The following IL18RAP variants were observed in gnomAD, a reference collection of about 807,000 sequenced individuals.
The protein encoded by IL18RAP is interleukin 18 receptor accessory protein, also known as interleukin-18 receptor accessory protein.
In IL18RAP, 37 loss-of-function variants were observed where a neutral mutation model predicts 58.1. The ratio of observed to expected loss-of-function variants is 0.64; its 90% confidence interval spans 0.49 to 0.84. The LOEUF (loss-of-function observed/expected upper bound fraction) is 0.84. Ranked by LOEUF, IL18RAP falls within the 40% of genes least tolerant of loss-of-function variation. The pLI, the probability that IL18RAP is intolerant of heterozygous loss-of-function variation, is 0.00. For missense variants in IL18RAP, 667 were observed against 704.8 expected (o/e 0.95, Z 0.61); for synonymous variants, 268 against 257.5 (o/e 1.04, Z -0.39).
At chr2:102,429,172 T>C (rs2104313271) in intron 3 of IL18RAP, among the ~76,000 whole-genome samples, 1 of 152,084 alleles carries the variant, frequency 6.6e-6, no homozygotes, top group Middle Eastern at 3.4e-3. Context: ...GTACTGGCCT[T>C]TTCTGGCTTT....
rs780487193 is a variant in IL18RAP, at chr2:102,423,926, C to A, written c.186C>A (p.Leu62=). 1.9e-6 allele frequency: 3 copies of A among 1,613,886 alleles called. No homozygotes were observed. Among genetic ancestry groups the A allele is most frequent in the Non-Finnish European group, 2.5e-6 (3 of 1,179,974 alleles). ...QKSHFCHRNR[L]SPKQVPEHLP... ...CACATTTCTGCCACAGAAATCGACT[C>A]TCACCAAAACAAGTCCCTGAGCACC... Residue 62 remains leucine, a synonymous_variant, in exon 2 of 10, where the codon CTC becomes CTA. Coordinates refer to ENST00000687160, the MANE Select transcript of IL18RAP (RefSeq NM_001393487.1).
upstream of IL18RAP, chr2:102,419,532 G>A (rs1681443345): frequency 6.6e-6 from 1 of 152,242 alleles, no homozygotes; most frequent in South Asian, 2.1e-4. Flanking sequence ...AAGTTTTGTG[G>A]GTAAAGTTTA....
rs200096865 is a variant in IL18RAP at position 102,452,023 on chromosome 2, A to G, written c.1642A>G (p.Asn548Asp). 6.8e-6 allele frequency: 11 copies of G among 1,614,010 alleles called. No individual in the cohort carries two copies. Among genetic ancestry groups the G allele is most frequent in the Middle Eastern group, 1.6e-4 (1 of 6,084 alleles). The stretch of plus-strand genomic sequence containing the variant: ...GAGAGGCTTAAAATCAGTTCCTCCC[A>G]ATTCTAGGTTCTGGGCCAAAATGCG... ...TWRGLKSVPP[N>D]SRFWAKMRYH... The change falls in exon 10 of 10, where the codon AAT becomes GAT. Residue 548 changes from asparagine (N) to aspartate (D), a missense_variant. Coordinates refer to ENST00000687160, the MANE Select transcript of IL18RAP (RefSeq NM_001393487.1).
intron 3 of IL18RAP, among the ~76,000 whole-genome samples, chr2:102,428,868 A>G (rs1682146981): frequency 6.6e-6 from 1 of 151,958 alleles, no homozygotes; most frequent in East Asian, 1.9e-4. Flanking sequence ...GTATTGAGGT[A>G]CAGTCCCTCT....
At chr2:102,423,138 C>T (rs1384988068), upstream of IL18RAP, 1 of 846,340 alleles carries the variant, frequency 1.2e-6, no homozygotes, top group Non-Finnish European at 2.0e-6. Context: ...ACTTTGTTCA[C>T]TGGTTCTGAC....
rs767626133 is a variant in IL18RAP at position 102,423,827 on chromosome 2, A to G, written c.87A>G (p.Lys29=). The change falls in exon 2 of 10, where the codon AAA becomes AAG. Residue 29 remains lysine, a synonymous_variant. Transcript: ENST00000687160. ...GATTTTCAGGTTGTTCCACAAAAAA[A>G]CTCCTTTGGACATATTCTACAAGGA... is the stretch of plus-strand genomic sequence containing the variant. ...GFNISGCSTK[K]LLWTYSTRSE... 1.9e-6 allele frequency: 3 copies of G among 1,610,820 alleles called. No homozygotes were observed. The highest frequency in any genetic ancestry group is 2.2e-5 in the South Asian group (2 of 90,996).
intron 3 of IL18RAP, among the ~76,000 whole-genome samples, chr2:102,427,490 A>G (rs1214842334): frequency 7.9e-5 from 12 of 152,068 alleles, no homozygotes; most frequent in Non-Finnish European, 1.6e-4. Context: ...ATTTTTTCAT[A>G]TAGTTGTTGG....
chr2:102,430,904 G>T (rs1682303599), intron 3 of IL18RAP, among the ~76,000 whole-genome samples: 1 of 152,030 alleles, frequency 6.6e-6, no homozygotes, highest in South Asian at 2.1e-4. Flanking sequence ...ATTAATTACA[G>T]CTAGGATTGT....
At chr2:102,442,079 G>T (rs888126539) in intron 5 of IL18RAP, among the ~76,000 whole-genome samples, 4 of 152,058 alleles carry the variant, frequency 2.6e-5, no homozygotes, top group Non-Finnish European at 5.9e-5. Flanking sequence ...TTATGAATAT[G>T]ACATTTAATC....
chr2:102,424,272 A>C lies in IL18RAP; in HGVS notation c.437A>C (p.Glu146Ala), dbSNP rs141761747. ...DVACCVKMIL[E>A]VKPQTNASCE... ...GCCTGTTGTGTCAAGATGATTTTAGAAGTTAAGCCCCAGACAAATGCATCC... is the reference window on the plus strand; with the variant it reads ...GCCTGTTGTGTCAAGATGATTTTAGCAGTTAAGCCCCAGACAAATGCATCC... The change falls in exon 3 of 10, where the codon GAA becomes GCA. Residue 146 changes from glutamate (E) to alanine (A), a missense_variant. Coordinates refer to ENST00000687160, the MANE Select transcript of IL18RAP (RefSeq NM_001393487.1). 5 of 1,613,994 alleles carry C rather than the reference A, an allele frequency of 3.1e-6. No individual in the cohort carries two copies. The highest frequency in any genetic ancestry group is 2.7e-5 in the African/African-American group (2 of 74,910).
At chr2:102,442,611 G>T (rs909455149) in intron 5 of IL18RAP, among the ~76,000 whole-genome samples, 4 of 152,160 alleles carry the variant, frequency 2.6e-5, no homozygotes, top group African/African-American at 9.7e-5. Context: ...TCATTTCATG[G>T]TTAAATATTA....
At chr2:102,422,580 A>T (rs950111816), upstream of IL18RAP, among the ~76,000 whole-genome samples, 8 of 152,138 alleles carry the variant, frequency 5.3e-5, no homozygotes, top group Non-Finnish European at 1.2e-4. Flanking sequence ...TGACTGCCTT[A>T]TCAAGAGAGG....
chr2:102,432,613 C>T (rs998054067), intron 3 of IL18RAP, among the ~76,000 whole-genome samples: 5 of 152,030 alleles, frequency 3.3e-5, no homozygotes, highest in Non-Finnish European at 5.9e-5. Flanking sequence ...ACCCCTGGGC[C>T]AGGGATAGCC....
intron 4 of IL18RAP, 97 bp from the exon 5 acceptor site, chr2:102,441,215 G>A (rs1683082627): frequency 1.2e-6 from 1 of 860,466 alleles, no homozygotes; most frequent in Non-Finnish European, 1.9e-6. Context: ...AGAGCTCCAA[G>A]ACATTTAGAT....
At position 102,447,194 on chromosome 2, in the gene IL18RAP, T is replaced by C. The variant is rs1683478319; in HGVS notation, c.1197T>C (p.Asp399=). 1 of 1,613,688 alleles carries C rather than the reference T, an allele frequency of 6.2e-7. No homozygotes were observed. Among genetic ancestry groups the C allele is most frequent in the Non-Finnish European group, 8.5e-7 (1 of 1,179,766 alleles). The part of the protein sequence containing the change: ...VLLYRTYQSK[D]QTLGDKKDFD... ...TGTACCGGACCTACCAGAGCAAGGA[T>C]CAGACGCTTGGGGGTAAGTTTACCT... is the stretch of plus-strand genomic sequence containing the variant. The change falls in exon 8 of 10, where the codon GAT becomes GAC. Residue 399 remains aspartate (D), a synonymous_variant. Coordinates refer to ENST00000687160, the MANE Select transcript of IL18RAP (RefSeq NM_001393487.1).
chr2:102,449,966 T>C (rs1395598983), intron 8 of IL18RAP, among the ~76,000 whole-genome samples: 1 of 152,136 alleles, frequency 6.6e-6, no homozygotes, highest in East Asian at 1.9e-4. Flanking sequence ...ACCTGGTACT[T>C]CCATCCACCG....
intron 3 of IL18RAP, among the ~76,000 whole-genome samples, chr2:102,433,344 T>C (rs1385773686): frequency 6.6e-6 from 1 of 152,292 alleles, no homozygotes; most frequent in East Asian, 1.9e-4. Flanking sequence ...AGCCTTAGCA[T>C]CTCAAGTAGT....
intron 4 of IL18RAP, chr2:102,439,837 G>A (rs1233259955): frequency 6.6e-6 from 1 of 152,188 alleles, no homozygotes; most frequent in African/African-American, 2.4e-5. Flanking sequence ...AGCCAGTCTG[G>A]AGAAGTTAGG....
At position 102,451,346 on chromosome 2, in the gene IL18RAP, G is replaced by A. The variant is rs1008293475; in HGVS notation, c.1384+325G>A. On this transcript the variant is annotated intron_variant, in intron 9 of 9. Transcript: ENST00000687160. ...TGGCCCCTCTGATTTCTGGGACTCT[G>A]CCTTCCACAAAGCTCACTCAGCACT... Among the ~76,000 whole-genome samples the A allele has an allele frequency of 2.6e-5, 4 of 152,186 alleles. No individual in the cohort carries two copies. The East Asian group carries it at 7.7e-4, about 29-fold the overall frequency.
Sources: gnomAD v4.1 joint callset for allele counts (sites outside exome capture counted in the v4.1 genomes callset) on GRCh38, gnomAD v4.1.1 for gene constraint, MANE v1.5 for transcripts, NCBI Gene and HGNC (gene_info 2026-07-23, HGNC 2026-07-21) for gene names.